ZNF177: variants seen among roughly 807,000 people sequenced by gnomAD.
ZNF177 encodes the protein zinc finger protein 177.
ZNF177 carries 17 observed loss-of-function variants against 19.4 expected under a neutral mutation model. The observed-to-expected ratio is 0.87, with a 90% CI of 0.60 to 1.31. The LOEUF is 1.31. ZNF177 is among the 40% of genes most tolerant of loss of function. ZNF177 has a pLI of 0.00. For missense variants in ZNF177, 633 were observed against 561.8 expected, an observed-to-expected ratio of 1.13 and a Z score of -1.28; for synonymous variants, 220 against 188.7, an observed-to-expected ratio of 1.17 and a Z score of -1.36.
At chr19:9,382,050 A>G (rs977400401) in exon 6 of ZNF177, 9 of 460,504 alleles carry the variant, frequency 2.0e-5, no homozygotes, top group Admixed American at 1.5e-4. Flanking sequence ...ATGGTCTTCA[A>G]TATGTAGATT....
At chr19:9,370,969 A>T (rs1278239776) in intron 2 of ZNF177, among the ~76,000 whole-genome samples, 19 of 152,204 alleles carry the variant, frequency 1.2e-4, no homozygotes. Context: ...CACTAGCCTC[A>T]TGTGGCTATT....
At chr19:9,373,254 A>G (rs2068070047), upstream of ZNF177, among the ~76,000 whole-genome samples, 1 of 152,084 alleles carries the variant, frequency 6.6e-6, no homozygotes. Context: ...TGTCCGCCTT[A>G]TTTTACTTAG....
At chr19:9,375,972 GCT>G (rs2068104284), upstream of ZNF177, among the ~76,000 whole-genome samples, 1 of 152,004 alleles carries the variant, frequency 6.6e-6, no homozygotes, top group Non-Finnish European at 1.5e-5. Context: ...ACTCACCCTT[GCT>G]CTCTTTGGTT....
In ZNF177 at chr19:9,379,590, A is replaced by ACT; in HGVS notation, c.224_225insCT (p.Glu75AspfsTer2). The ACT allele has an allele frequency of 6.2e-7, 1 of 1,613,930 alleles. No homozygotes were observed. The highest frequency in any genetic ancestry group is 8.5e-7 in the Non-Finnish European group (1 of 1,179,920). On this transcript the variant is annotated frameshift_variant, in exon 4 of 6. Coordinates refer to ENST00000589262, the Ensembl canonical transcript of ZNF177. LOFTEE classifies it high-confidence loss of function. The stretch of plus-strand genomic sequence containing the variant: ...GATCAAGAACAGCTGAAGACAGATG[A>ACT]AAGAGGAATTTTACAAGGTGACTGT...
At chr19:9,373,925 C>A (rs900529423), upstream of ZNF177, among the ~76,000 whole-genome samples, 13 of 151,460 alleles carry the variant, frequency 8.6e-5, no homozygotes, top group Non-Finnish European at 1.6e-4. Context: ...GATGTAGTTT[C>A]ACTTATTTTT....
chr19:9,379,053 T>G, exon 3 of ZNF177: 1 of 1,609,900 alleles, frequency 6.2e-7, no homozygotes, highest in Non-Finnish European at 8.5e-7. Context: ...TACAAAGATG[T>G]GATGCTGGAG....
chr19:9,379,612 C>T, exon 4 of ZNF177: 4 of 1,613,682 alleles, frequency 2.5e-6, no homozygotes, highest in Non-Finnish European at 3.4e-6. Flanking sequence ...TACAAGGTGA[C>T]TGTGCAGGTG....
chr19:9,379,656 G>T, intron 4 of ZNF177, 37 bp downstream of exon 6: 1 of 1,603,950 alleles, frequency 6.2e-7, no homozygotes, highest in Non-Finnish European at 8.5e-7. Flanking sequence ...GCCTTGGCCA[G>T]TGAGGGTTAG....
chr19:9,382,266 A>G, downstream of ZNF177: 2 of 398,996 alleles, frequency 5.0e-6, no homozygotes, highest in Non-Finnish European at 8.8e-6. Flanking sequence ...TCCCTAGCCC[A>G]TGCAAAGTAG....
At chr19:9,371,276 ATTT>A (rs766200871) in intron 2 of ZNF177, among the ~76,000 whole-genome samples, 2 of 149,394 alleles carry the variant, frequency 1.3e-5, no homozygotes, top group African/African-American at 4.9e-5. Flanking sequence ...GGGTCCCAAC[ATTT>A]TTTTTTTATT....
chr19:9,379,938 T>C, intron 4 of ZNF177, 119 bp from the exon 7 acceptor site: 2 of 1,201,260 alleles, frequency 1.7e-6, no homozygotes, highest in Non-Finnish European at 2.3e-6. Context: ...GTGTCTTCTT[T>C]CTTACATTTC....
exon 6 of ZNF177, chr19:9,381,828 G>A (rs774218987): frequency 2.0e-6 from 3 of 1,536,060 alleles, no homozygotes; most frequent in South Asian, 2.6e-5. Context: ...TCTCACTTTA[G>A]AACATATATT....
upstream of ZNF177, among the ~76,000 whole-genome samples, chr19:9,372,491 T>C (rs1275822846): frequency 6.6e-6 from 1 of 151,920 alleles, no homozygotes; most frequent in African/African-American, 2.4e-5. Context: ...GCCATTCTTA[T>C]TACATCTGTT....
chr19:9,373,308 C>T (rs2068070756), upstream of ZNF177, among the ~76,000 whole-genome samples: 1 of 152,076 alleles, frequency 6.6e-6, no homozygotes, highest in South Asian at 2.1e-4. Flanking sequence ...ACTGAATAAC[C>T]CACTGTGTGT....
rs1337966935 is a variant in ZNF177, at chr19:9,380,638, T to C, written c.337-30T>C. On this transcript the variant is annotated intron_variant, in intron 5 of 5. Coordinates refer to ENST00000589262, the Ensembl canonical transcript of ZNF177. ...TGAATAAGGTGAAAGTGAAAAAGCCTCTAGTCACCACTTACTCCCTTTTCA... is the reference window on the plus strand; with the variant it reads ...TGAATAAGGTGAAAGTGAAAAAGCCCCTAGTCACCACTTACTCCCTTTTCA... 4 of 1,535,950 alleles carry C rather than the reference T, an allele frequency of 2.6e-6. No homozygotes were observed. The Admixed American group carries it at 7.8e-5, about 30-fold the overall frequency.
intron 1 of ZNF177, among the ~76,000 whole-genome samples, chr19:9,364,356 A>G (rs994184247): frequency 6.6e-6 from 1 of 152,168 alleles, no homozygotes; most frequent in African/African-American, 2.4e-5. Flanking sequence ...TTGTGATATG[A>G]CTGTGATGCT....
At chr19:9,382,407 G>A, downstream of ZNF177, 1 of 398,694 alleles carries the variant, frequency 2.5e-6, no homozygotes, top group Non-Finnish European at 4.4e-6. Context: ...CCAAGAGGAG[G>A]ACAGAGAAAG....
intron 1 of ZNF177, among the ~76,000 whole-genome samples, chr19:9,377,740 C>T (rs1387934708): frequency 6.6e-6 from 1 of 152,120 alleles, no homozygotes; most frequent in Non-Finnish European, 1.5e-5. Flanking sequence ...TGGAATGTCA[C>T]CCTTTTATTA....
chr19:9,381,055 C>T (rs188126984), exon 6 of ZNF177: 8 of 1,605,996 alleles, frequency 5.0e-6, no homozygotes, highest in Admixed American at 1.7e-5. Context: ...CAAAATATCT[C>T]CCCTTAGTGT....
Sources: gnomAD v4.1 joint callset for allele counts (sites outside exome capture counted in the v4.1 genomes callset) on GRCh38, gnomAD v4.1.1 for gene constraint, MANE v1.5 for transcripts, NCBI Gene and HGNC (gene_info 2026-07-23, HGNC 2026-07-21) for gene names.